The following FRMPD3 variants were observed in gnomAD, a reference collection of about 807,000 sequenced individuals.
The protein encoded by FRMPD3 is FERM and PDZ domain containing 3.
FRMPD3 carries 42 observed loss-of-function variants against 97.9 expected under a neutral mutation model. The observed-to-expected ratio is 0.43, with a 90% CI of 0.34 to 0.55. The LOEUF (loss-of-function observed/expected upper bound fraction) is 0.55, where lower values mean the gene tolerates loss of function less well. FRMPD3 is among the 20% of genes least tolerant of loss of function. FRMPD3 has a pLI of 0.03. For synonymous variants in FRMPD3, 577 were observed against 581.1 expected (o/e 0.99, Z 0.10); for missense variants, 1,303 against 1,457.7 (o/e 0.89, Z 1.73).
chrX:107,532,435 C>G (rs1181156402), intron 3 of FRMPD3, among the ~76,000 whole-genome samples: 2 of 112,172 alleles, frequency 1.8e-5, no homozygotes, highest in Non-Finnish European at 1.9e-5. Flanking sequence ...AATGGAGAAC[C>G]TTTGAAGCCA....
intron 4 of FRMPD3, among the ~76,000 whole-genome samples, chrX:107,537,497 T>C (rs1311832705): frequency 9.0e-6 from 1 of 111,627 alleles, no homozygotes; most frequent in East Asian, 2.8e-4. Context: ...TGTCAAAACA[T>C]TTAATGACCT....
chrX:107,516,726 T>G (rs1428358391), intron 1 of FRMPD3, among the ~76,000 whole-genome samples: 3 of 110,875 alleles, frequency 2.7e-5, no homozygotes, highest in Non-Finnish European at 3.8e-5. Context: ...TGGGGTTGTT[T>G]TTTTTTTTCT....
chrX:107,486,188 G>C (rs1233915442), intron 1 of FRMPD3, among the ~76,000 whole-genome samples: 1 of 112,366 alleles, frequency 8.9e-6, no homozygotes, highest in Admixed American at 9.4e-5. Flanking sequence ...CCTGGGACAC[G>C]CCTGACCCTT....
At chrX:107,524,602 G>A (rs1167479547) in intron 1 of FRMPD3, among the ~76,000 whole-genome samples, 1 of 112,197 alleles carries the variant, frequency 8.9e-6, no homozygotes, top group African/African-American at 3.2e-5. Context: ...TAGTCCTAAA[G>A]CTTCTCTCTA....
intron 11 of FRMPD3, among the ~76,000 whole-genome samples, 171 bp downstream of exon 11, chrX:107,563,371 G>T (rs763791462): frequency 1.1e-4 from 12 of 111,911 alleles, no homozygotes; most frequent in Non-Finnish European, 1.9e-4. Context: ...AGTGGGAGGA[G>T]ATATTTGTTT....
intron 1 of FRMPD3, among the ~76,000 whole-genome samples, chrX:107,450,997 T>C (rs1931278037): frequency 9.1e-6 from 1 of 109,506 alleles, no homozygotes; most frequent in South Asian, 4.0e-4. Flanking sequence ...GCTCGAGCTG[T>C]TGGGTTTCCT....
intron 1 of FRMPD3, among the ~76,000 whole-genome samples, chrX:107,476,366 C>A (rs975647731): frequency 2.7e-5 from 3 of 112,538 alleles, no homozygotes. Context: ...ATCAATAGAT[C>A]GAATACATTG....
intron 1 of FRMPD3, among the ~76,000 whole-genome samples, chrX:107,522,672 G>A (rs1023410684): frequency 8.9e-6 from 1 of 112,217 alleles, no homozygotes; most frequent in Admixed American, 9.4e-5. Flanking sequence ...GGATGTGAAA[G>A]CATCTTTTCT....
chrX:107,554,625 C>CT (rs1922001869), intron 8 of FRMPD3, 121 bp downstream of exon 8: 1 of 910,390 alleles, frequency 1.1e-6, no homozygotes. Context: ...CCTGAAGGCC[C>CT]TTTCCTTCCT....
At chrX:107,557,795 GTCTATA>G (rs1169834184) in intron 8 of FRMPD3, among the ~76,000 whole-genome samples, 5 of 26,606 alleles carry the variant, frequency 1.9e-4, no homozygotes, top group Admixed American at 6.1e-4. Flanking sequence ...AAAATCTGTT[GTCTATA>G]TATATATATA....
chrX:107,543,836 T>C (rs1327698506), intron 4 of FRMPD3, among the ~76,000 whole-genome samples: 1 of 100,559 alleles, frequency 9.9e-6, no homozygotes, highest in South Asian at 4.4e-4. Flanking sequence ...AAAAAAAAAA[T>C]TAAAAATATA....
intron 13 of FRMPD3, among the ~76,000 whole-genome samples, chrX:107,592,106 G>A (rs930101736): frequency 9.2e-6 from 1 of 108,713 alleles, no homozygotes; most frequent in East Asian, 2.9e-4. Flanking sequence ...TTCCCCGCAA[G>A]TCCCCAAGGT....
intron 1 of FRMPD3, among the ~76,000 whole-genome samples, chrX:107,467,943 A>G (rs969465142): frequency 2.7e-5 from 3 of 111,661 alleles, no homozygotes; most frequent in African/African-American, 3.3e-5. Context: ...AGGCCCTTCT[A>G]TCTTTCCTTT....
rs761550922 is a variant in FRMPD3 at position 107,576,406 on chromosome X, T to C, written c.1388T>C (p.Met463Thr). ...YCRLLLDSRK[M>T]VFSRPASQPL... ...CGCCTCTTGCTGGATTCCAGGAAGA[T>C]GGTCTTCTCCAGGCCTGCCAGCCAG... The change falls in exon 13 of 15, where the codon ATG (methionine) becomes ACG (threonine). Residue 463 changes from methionine to threonine, a missense_variant. By Grantham distance (81) the Met-to-Thr change is moderately conservative. Transcript: ENST00000683843. 4.1e-6 allele frequency: 5 copies of C among 1,210,764 alleles called. No individual in the cohort carries two copies. Among genetic ancestry groups the C allele is most frequent in the Non-Finnish European group, 5.6e-6 (5 of 895,281 alleles).
At chrX:107,472,132 T>G (rs1051636693) in intron 1 of FRMPD3, among the ~76,000 whole-genome samples, 1 of 112,393 alleles carries the variant, frequency 8.9e-6, no homozygotes, top group Non-Finnish European at 1.9e-5. Context: ...CTTTGCCCAC[T>G]TTTTGATGGG....
chrX:107,527,395 G>A lies in FRMPD3; in HGVS notation c.148+659G>A, dbSNP rs112488030. On this transcript the variant is annotated intron_variant, in intron 2 of 14. Coordinates refer to ENST00000683843, the MANE Select transcript of FRMPD3 (RefSeq NM_001388459.1). ...GTAATATCATTCCCATTTTGCAAAC[G>A]AGGAAACTGAGGCATAATGAAAGAG... Among the ~76,000 whole-genome samples the A allele has an allele frequency of 0.015, 1,657 of 112,328 alleles. 29 individuals carry two copies. The South Asian group carries it at 0.16, about 11-fold the overall frequency.
intron 2 of FRMPD3, among the ~76,000 whole-genome samples, chrX:107,528,811 G>C (rs772065335): frequency 8.9e-6 from 1 of 112,769 alleles, no homozygotes; most frequent in Non-Finnish European, 1.9e-5. Flanking sequence ...CTTTGCTCCT[G>C]AAGCCAGTGC....
intron 13 of FRMPD3, among the ~76,000 whole-genome samples, chrX:107,589,940 C>T (rs1415081410): frequency 8.9e-6 from 1 of 111,947 alleles, no homozygotes; most frequent in African/African-American, 3.2e-5. Context: ...CACTTGAGGT[C>T]AGGAGTTCAA....
chrX:107,458,623 G>A (rs1302228151), intron 1 of FRMPD3, among the ~76,000 whole-genome samples: 1 of 111,899 alleles, frequency 8.9e-6, no homozygotes, highest in African/African-American at 3.2e-5. Context: ...GGGTGTATAT[G>A]CAGGCACAGT....
Sources: gnomAD v4.1 joint callset for allele counts (sites outside exome capture counted in the v4.1 genomes callset) on GRCh38, gnomAD v4.1.1 for gene constraint, MANE v1.5 for transcripts, NCBI Gene and HGNC (gene_info 2026-07-23, HGNC 2026-07-21) for gene names.